SRPK2: variants seen among roughly 807,000 people sequenced by gnomAD.
SRPK2 encodes the protein SFRS protein kinase 2.
A neutral mutation model predicts 90.8 loss-of-function variants in SRPK2; 21 were observed. The observed-to-expected ratio is 0.23, with a 90% CI of 0.16 to 0.33. The LOEUF is 0.33. SRPK2 is among the 10% of genes least tolerant of loss of function. The pLI, the probability that SRPK2 is intolerant of heterozygous loss-of-function variation, is 1.00. For missense variants in SRPK2, 620 were observed against 869.0 expected (o/e 0.71, Z 3.60); for synonymous variants, 288 against 311.1 (o/e 0.93, Z 0.78).
At chr7:105,222,512 AAT>A (rs1449693890) in intron 2 of SRPK2, among the ~76,000 whole-genome samples, 1 of 152,252 alleles carries the variant, frequency 6.6e-6, no homozygotes, top group Non-Finnish European at 1.5e-5. Flanking sequence ...TTAAGCAGAA[AAT>A]AGTTTTTTAA....
intron 3 of SRPK2, among the ~76,000 whole-genome samples, chr7:105,201,049 C>T (rs370462026): frequency 6.6e-6 from 1 of 152,004 alleles, no homozygotes; most frequent in Non-Finnish European, 1.5e-5. Context: ...GATAAAACAC[C>T]ATATTAGTAA....
chr7:105,379,972 G>T (rs997220700), intron 2 of SRPK2, among the ~76,000 whole-genome samples: 1 of 151,962 alleles, frequency 6.6e-6, no homozygotes, highest in Non-Finnish European at 1.5e-5. Context: ...GCAAGACTCC[G>T]TCTCAAAAAA....
At chr7:105,284,489 T>C (rs1175792854) in intron 2 of SRPK2, among the ~76,000 whole-genome samples, 1 of 152,160 alleles carries the variant, frequency 6.6e-6, no homozygotes. Context: ...GGCAGAAACA[T>C]AACCAACTAT....
upstream of SRPK2, among the ~76,000 whole-genome samples, chr7:105,391,589 C>T (rs751300766): frequency 1.2e-4 from 18 of 152,076 alleles, no homozygotes; most frequent in Admixed American, 2.6e-4. Flanking sequence ...GCTGGAGGAT[C>T]ATCTGAGTCC....
Position 105,143,297 on chromosome 7 carries a change from G to GT in SRPK2, c.846dup (p.Leu283ThrfsTer10). ...GCCTGCCTCTTCTGTTTCTTTTTCAGTTTTTTCTTTTTGTTTTTAGATATT... is the reference window on the plus strand; with the variant it reads ...GCCTGCCTCTTCTGTTTCTTTTTCAGTTTTTTTCTTTTTGTTTTTAGATATT... On this transcript the variant is annotated frameshift_variant, in exon 10 of 16. Coordinates refer to ENST00000393651, the MANE Select transcript of SRPK2 (RefSeq NM_182692.3). LOFTEE classifies it high-confidence loss of function. 2 of 1,612,796 alleles carry GT rather than the reference G, an allele frequency of 1.2e-6. No homozygotes were observed. Among genetic ancestry groups the GT allele is most frequent in the Non-Finnish European group, 1.7e-6 (2 of 1,179,794 alleles).
intron 13 of SRPK2, among the ~76,000 whole-genome samples, chr7:105,132,389 T>C (rs1019040): frequency 0.77 from 117,449 of 152,176 alleles, 46,702 homozygotes; most frequent in Non-Finnish European, 0.88. Flanking sequence ...CTGCCCGCCT[T>C]AGGCAGTCTT....
intron 2 of SRPK2, among the ~76,000 whole-genome samples, chr7:105,383,053 ATTTTTT>A (rs1161926443): frequency 3.0e-5 from 3 of 101,666 alleles, no homozygotes; most frequent in African/African-American, 1.1e-4. Context: ...AAAAGTAAAA[ATTTTTT>A]TTTTTTTTTT....
chr7:105,182,363 C>T (rs1240635914), intron 3 of SRPK2, among the ~76,000 whole-genome samples: 2 of 151,296 alleles, frequency 1.3e-5, no homozygotes, highest in Non-Finnish European at 2.9e-5. Flanking sequence ...ATGTTTGAGG[C>T]TGAGAAAGAA....
At chr7:105,394,317 A>G (rs1822264060), upstream of SRPK2, among the ~76,000 whole-genome samples, 1 of 151,794 alleles carries the variant, frequency 6.6e-6, no homozygotes, top group Admixed American at 6.6e-5. Context: ...TAATTTTTGT[A>G]TTTTTAGTGG....
intron 2 of SRPK2, among the ~76,000 whole-genome samples, chr7:105,305,711 TA>T: frequency 6.6e-6 from 1 of 152,092 alleles, no homozygotes; most frequent in Non-Finnish European, 1.5e-5. Flanking sequence ...ATTTAACAGA[TA>T]AAAGATTAAC....
At position 105,160,596 on chromosome 7, in the gene SRPK2, C is replaced by T; in HGVS notation, c.532G>A (p.Glu178Lys). Reference sequence around the variant, plus strand: ...TTGAGGAGATGGTGGCCAAGTACTTCGAAGACCATGCAGACATCTGGGACA... The same window carrying T: ...TTGAGGAGATGGTGGCCAAGTACTTTGAAGACCATGCAGACATCTGGGACA... ...MNGIHVCMVF[E>K]VLGHHLLKWI... The change falls in exon 7 of 16, where the codon GAA becomes AAA. Residue 178 changes from glutamate (E) to lysine (K), a missense_variant. Physicochemically the swap from Glu to Lys is moderately conservative, Grantham distance 56 (BLOSUM62 1). Around this residue, in one of 8 missense-constraint regions of SRPK2, gnomAD observed 196 missense variants for 339.2 expected, o/e 0.58. Transcript: ENST00000393651. 6.2e-7 allele frequency: 1 copy of T among 1,612,412 alleles called. No individual in the cohort carries two copies. Among genetic ancestry groups the T allele is most frequent in the Non-Finnish European group, 8.5e-7 (1 of 1,178,546 alleles).
At chr7:105,152,666 G>C (rs1379010166) in intron 7 of SRPK2, among the ~76,000 whole-genome samples, 1 of 152,136 alleles carries the variant, frequency 6.6e-6, no homozygotes, top group African/African-American at 2.4e-5. Context: ...AAATCTGACA[G>C]AGTTAAGTCT....
At chr7:105,335,594 T>C (rs1815000987) in intron 2 of SRPK2, among the ~76,000 whole-genome samples, 1 of 147,362 alleles carries the variant, frequency 6.8e-6, no homozygotes, top group Non-Finnish European at 1.5e-5. Context: ...GAGGTGGAGG[T>C]TGCAGTGAGA....
intron 2 of SRPK2, among the ~76,000 whole-genome samples, chr7:105,355,433 T>C (rs1817672828): frequency 6.6e-6 from 1 of 151,976 alleles, no homozygotes; most frequent in South Asian, 2.1e-4. Context: ...TCATTTAAGC[T>C]CAGGAGTTTG....
chr7:105,382,697 A>G lies in SRPK2; in HGVS notation c.71+5951T>C, dbSNP rs75905394. Among the ~76,000 whole-genome samples the G allele has an allele frequency of 4.7e-3, 714 of 152,280 alleles. 11 individuals are homozygous for G. The East Asian group carries it at 0.055, about 12-fold the overall frequency. On this transcript the variant is annotated intron_variant, in intron 2 of 15. Coordinates refer to ENST00000393651, the MANE Select transcript of SRPK2 (RefSeq NM_182692.3). ...ATAATTCCATTTATATAACATTCTC[A>G]AAGTGGCAACATTAAGTGATAGAGA...
chr7:105,355,016 C>A (rs572655424), intron 2 of SRPK2, among the ~76,000 whole-genome samples: 1 of 152,226 alleles, frequency 6.6e-6, no homozygotes, highest in African/African-American at 2.4e-5. Context: ...TCATGACTGA[C>A]TTCTTTGATC....
upstream of SRPK2, chr7:105,389,231 C>T (rs1474989057): frequency 8.1e-7 from 1 of 1,234,800 alleles, no homozygotes; most frequent in South Asian, 1.3e-5. Flanking sequence ...GCCGCGGCCT[C>T]TCCCCTCCGC....
chr7:105,344,861 G>A (rs997100607), intron 2 of SRPK2, among the ~76,000 whole-genome samples: 13 of 151,586 alleles, frequency 8.6e-5, no homozygotes, highest in Non-Finnish European at 1.8e-4. Context: ...AAAAGGCCAG[G>A]AGTAGTCACT....
intron 3 of SRPK2, among the ~76,000 whole-genome samples, chr7:105,184,432 A>G (rs1793311831): frequency 6.6e-6 from 1 of 152,206 alleles, no homozygotes; most frequent in Non-Finnish European, 1.5e-5. Flanking sequence ...AACCAAATAC[A>G]CGATCTTTCA....
Sources: allele counts gnomAD v4.1 joint callset (sites outside exome capture counted in the v4.1 genomes callset), GRCh38; gene constraint gnomAD v4.1.1; regional missense constraint gnomAD v4.1.1; transcripts MANE v1.5; gene names NCBI Gene and HGNC (gene_info 2026-07-23, HGNC 2026-07-21).